Variants in TNRC18 observed in about 807,000 individuals in gnomAD.
TNRC18 encodes trinucleotide repeat-containing gene 18 protein.
TNRC18 carries 69 observed loss-of-function variants against 226.7 expected under a neutral mutation model. The observed-to-expected ratio is 0.30, with a 90% CI of 0.25 to 0.37. TNRC18 has a LOEUF of 0.37. TNRC18 is among the 10% of genes least tolerant of loss of function. The pLI is 1.00. For missense variants in TNRC18, 4,754 were observed against 4,256.6 expected, an observed-to-expected ratio of 1.12 and a Z score of -3.25; for synonymous variants, 2,449 against 1,927.6, an observed-to-expected ratio of 1.27 and a Z score of -7.09.
chr7:5,328,579 G>A (rs1036272687), intron 19 of TNRC18, among the ~76,000 whole-genome samples: 13 of 151,444 alleles, frequency 8.6e-5, no homozygotes, highest in African/African-American at 3.2e-4. Context: ...CACAATCTCG[G>A]CTCACTGCAA....
chr7:5,352,137 G>A (rs780970547), intron 16 of TNRC18, 43 bp from the exon 17 acceptor site: 2 of 1,536,980 alleles, frequency 1.3e-6, no homozygotes, highest in South Asian at 1.2e-5. Context: ...TCACAGGGCA[G>A]CAGGAGCTGG....
intron 5 of TNRC18, among the ~76,000 whole-genome samples, chr7:5,384,626 AC>A (rs546112346): frequency 2.2e-4 from 34 of 152,006 alleles, no homozygotes; most frequent in African/African-American, 7.5e-4. Flanking sequence ...CAAAGGTGCC[AC>A]CCCATGTGAC....
chr7:5,416,350 G>C (rs1247015726), intron 2 of TNRC18, among the ~76,000 whole-genome samples: 4 of 152,088 alleles, frequency 2.6e-5, no homozygotes, highest in Non-Finnish European at 4.4e-5. Context: ...GGGAGGCAGA[G>C]CTTGCAGTGA....
chr7:5,359,709 G>A (rs1251076778), intron 14 of TNRC18, 140 bp from the exon 15 acceptor site: 2 of 852,956 alleles, frequency 2.3e-6, no homozygotes, highest in Admixed American at 2.4e-5. Context: ...GTGGGGAGAT[G>A]GATCTTGTAA....
At chr7:5,393,311 G>A (rs576297593) in intron 3 of TNRC18, among the ~76,000 whole-genome samples, 10 of 152,368 alleles carry the variant, frequency 6.6e-5, no homozygotes, top group African/African-American at 2.4e-4. Flanking sequence ...CCTCGTGCCT[G>A]GATTCAGATG....
chr7:5,324,160 C>G lies in TNRC18; in HGVS notation c.6442+54G>C, dbSNP rs958451801. On this transcript the variant is annotated intron_variant, in intron 21 of 29. Transcript: ENST00000430969. This position sits in a 1 kb window ranked among gnomAD's most constrained non-coding sequence, Gnocchi z 4.8. ...CAAGCCTTGCTCAGATCTGCCTCCC[C>G]CAAGGGAGGCTCCAGCAGCCCCGCC... The G allele has an allele frequency of 7.8e-6, 12 of 1,533,948 alleles. No individual in the cohort carries two copies. Among genetic ancestry groups the G allele is most frequent in the Middle Eastern group, 2.1e-4 (1 of 4,708 alleles).
At chr7:5,396,515 C>A (rs1391001122) in intron 2 of TNRC18, among the ~76,000 whole-genome samples, 1 of 152,158 alleles carries the variant, frequency 6.6e-6, no homozygotes, top group East Asian at 1.9e-4. Context: ...GGCGACAGAA[C>A]AAGACCTGGA....
At chr7:5,412,525 G>C (rs1184063459) in intron 2 of TNRC18, among the ~76,000 whole-genome samples, 2 of 151,494 alleles carry the variant, frequency 1.3e-5, no homozygotes, top group Non-Finnish European at 2.9e-5. Flanking sequence ...GCAGTGGGCT[G>C]AGATCGCGCC....
Position 5,394,731 on chromosome 7 carries a change from A to C in TNRC18, c.188-136T>G, listed in dbSNP as rs1012354670. 6 of 680,584 alleles carry C rather than the reference A, an allele frequency of 8.8e-6. No individual in the cohort carries two copies. Among genetic ancestry groups the C allele is most frequent in the Non-Finnish European group, 4.8e-6 (2 of 413,264 alleles). 42.2% of individuals were successfully genotyped at this position (680,584 alleles called of 1,614,324 possible). A position where few individuals can be genotyped will look rare whatever the true frequency, so the allele number is the denominator to read the frequency against. Reference sequence around the variant, plus strand: ...TGGAGCTGATGCTGGCCAGGAGACCAAAGAGGGTTCCCCTGCTCCGGCCCC... The same window carrying C: ...TGGAGCTGATGCTGGCCAGGAGACCCAAGAGGGTTCCCCTGCTCCGGCCCC... On this transcript the variant is annotated intron_variant, in intron 2 of 29. Coordinates refer to ENST00000430969, the MANE Select transcript of TNRC18 (RefSeq NM_001080495.3). This position sits in a 1 kb window ranked among gnomAD's most constrained non-coding sequence, Gnocchi z 4.5.
chr7:5,383,440 T>C (rs1302498989), intron 5 of TNRC18, among the ~76,000 whole-genome samples: 4 of 152,150 alleles, frequency 2.6e-5, no homozygotes, highest in African/African-American at 7.2e-5. Context: ...ACGCACCCAC[T>C]ATGTGCCCGT....
At position 5,314,260 on chromosome 7, in the gene TNRC18, G is replaced by A. The variant is rs1033120489; in HGVS notation, c.7028-397C>T. Among the ~76,000 whole-genome samples, 29 of 152,088 alleles carry A rather than the reference G, an allele frequency of 1.9e-4. 1 individual carries two copies. Among genetic ancestry groups the A allele is most frequent in the African/African-American group, 6.3e-4 (26 of 41,510 alleles). On this transcript the variant is annotated intron_variant, in intron 26 of 29. Coordinates refer to ENST00000430969, the MANE Select transcript of TNRC18 (RefSeq NM_001080495.3). Reference sequence around the variant, plus strand: ...GTGCTGAGAATAGGCGTGGACCACTGCGCCCAGCAGAAAGGCCTGGTTTCA... The same window carrying A: ...GTGCTGAGAATAGGCGTGGACCACTACGCCCAGCAGAAAGGCCTGGTTTCA...
chr7:5,382,642 G>A (rs1779479213), intron 5 of TNRC18, among the ~76,000 whole-genome samples: 1 of 152,176 alleles, frequency 6.6e-6, no homozygotes, highest in African/African-American at 2.4e-5. Context: ...CCCCTGTGAA[G>A]CTGGAGGTGG....
chr7:5,411,004 G>C (rs967605734), intron 2 of TNRC18, among the ~76,000 whole-genome samples: 1 of 151,752 alleles, frequency 6.6e-6, no homozygotes, highest in Non-Finnish European at 1.5e-5. Flanking sequence ...TCAGGAGTTT[G>C]AGACCAGCCT....
chr7:5,308,532 A>C lies in TNRC18; in HGVS notation c.8701-220T>G, dbSNP rs147793431. On this transcript the variant is annotated intron_variant, in intron 29 of 29. Coordinates refer to ENST00000430969, the MANE Select transcript of TNRC18 (RefSeq NM_001080495.3). Reference sequence around the variant, plus strand: ...GAGACAAGGATAGACAGACCAAGAGATCCAAAGACGCAGAGAGACAGAGAC... The same window carrying C: ...GAGACAAGGATAGACAGACCAAGAGCTCCAAAGACGCAGAGAGACAGAGAC... 2.7e-3 allele frequency among the ~76,000 whole-genome samples: 407 copies of C among 152,164 alleles called. 1 individual carries two copies. Among genetic ancestry groups the C allele is most frequent in the African/African-American group, 9.6e-3 (397 of 41,516 alleles).
intron 18 of TNRC18, among the ~76,000 whole-genome samples, chr7:5,344,988 G>C (rs923523210): frequency 6.6e-6 from 1 of 152,188 alleles, no homozygotes; most frequent in African/African-American, 2.4e-5. Flanking sequence ...TTGTGGGCAA[G>C]TCAAAGAGAG....
intron 2 of TNRC18, among the ~76,000 whole-genome samples, chr7:5,395,801 C>T (rs962594479): frequency 2.6e-5 from 4 of 152,174 alleles, no homozygotes; most frequent in Admixed American, 6.5e-5. Flanking sequence ...ACCAGCCTCA[C>T]CAACATGGTG....
chr7:5,346,251 T>A (rs548204996), intron 17 of TNRC18, among the ~76,000 whole-genome samples: 125 of 152,238 alleles, frequency 8.2e-4, no homozygotes, highest in African/African-American at 2.6e-3. Context: ...GGACTCAGGC[T>A]AGGGGTTCTG....
rs576781958 is a variant in TNRC18 at position 5,398,478 on chromosome 7, A to C, written c.188-3883T>G. On this transcript the variant is annotated intron_variant, in intron 2 of 29. Transcript: ENST00000430969. ...AGCCACCGTGCCTGGCCACCCAGCT[A>C]ATTTTTTTCTTTTTCTTTTTTGCAG... Among the ~76,000 whole-genome samples, 134 of 143,026 alleles carry C rather than the reference A, an allele frequency of 9.4e-4. 1 individual carries two copies. Among genetic ancestry groups the C allele is most frequent in the African/African-American group, 3.3e-3 (127 of 38,152 alleles). The allele number at this position is 143,026 out of a possible 152,430, so 93.8% of individuals were successfully genotyped here. A position where few individuals can be genotyped will look rare whatever the true frequency, so the allele number is the denominator to read the frequency against.
intron 8 of TNRC18, 48 bp downstream of exon 8, chr7:5,376,799 G>T: frequency 6.3e-7 from 1 of 1,588,784 alleles, no homozygotes; most frequent in Admixed American, 1.8e-5. Context: ...CCATCTCGCT[G>T]GGCATGGCCA....
Sources: allele counts gnomAD v4.1 joint callset (sites outside exome capture counted in the v4.1 genomes callset), GRCh38; gene constraint gnomAD v4.1.1; non-coding constraint Gnocchi (gnomAD v3.1); transcripts MANE v1.5; gene names NCBI Gene and HGNC (gene_info 2026-07-23, HGNC 2026-07-21).